Variants in NUS1 observed in about 807,000 individuals in gnomAD.
NUS1 encodes dehydrodolichyl diphosphate synthase complex subunit NUS1.
For missense variants in NUS1, 292 were observed against 382.9 expected (o/e 0.76, Z 1.98); for synonymous variants, 135 against 155.2 (o/e 0.87, Z 0.97).
At chr6:117,691,558 G>GATAGATATATAT (rs1450180747) in intron 1 of NUS1, among the ~76,000 whole-genome samples, 1 of 136,980 alleles carries the variant, frequency 7.3e-6, no homozygotes, top group Non-Finnish European at 1.6e-5. Context: ...CATAGATATA[G>GATAGATATATAT]ATATATATAT....
At chr6:117,687,739 G>A (rs1280492614) in intron 1 of NUS1, among the ~76,000 whole-genome samples, 1 of 152,220 alleles carries the variant, frequency 6.6e-6, no homozygotes, top group Non-Finnish European at 1.5e-5. Context: ...TGTTCAACAA[G>A]CATGGAAGCA....
chr6:117,696,273 A>T (rs1340792602), intron 3 of NUS1, among the ~76,000 whole-genome samples: 1 of 152,144 alleles, frequency 6.6e-6, no homozygotes, highest in Non-Finnish European at 1.5e-5. Flanking sequence ...AAAATCTAGG[A>T]AAAAGCCTCT....
chr6:117,703,791 C>A, intron 4 of NUS1, 87 bp downstream of exon 4: 1 of 907,084 alleles, frequency 1.1e-6, no homozygotes, highest in Non-Finnish European at 1.8e-6. Flanking sequence ...TGGGGATTTC[C>A]AAAGAATTAT....
At chr6:117,681,178 C>A (rs996653388) in intron 1 of NUS1, among the ~76,000 whole-genome samples, 2 of 152,210 alleles carry the variant, frequency 1.3e-5, no homozygotes, top group Non-Finnish European at 2.9e-5. Flanking sequence ...ACTCCGTTCC[C>A]TATCTTACTA....
At position 117,675,591 on chromosome 6, in the gene NUS1, C is replaced by G. The variant is rs1160611657; in HGVS notation, c.-80C>G. ...GGGGACGCGGAGCGATGGCCCGCGC[C>G]GGCCGCAGGGGCGGATAAAAAGCCG... is the stretch of plus-strand genomic sequence containing the variant. On this transcript the variant is annotated 5_prime_UTR_variant, in exon 1 of 5. Transcript: ENST00000368494. 5 of 1,413,264 alleles carry G rather than the reference C, an allele frequency of 3.5e-6. No individual in the cohort carries two copies. In the Admixed American group the frequency reaches 8.3e-5, roughly 23 times the overall value. 87.5% of individuals were successfully genotyped at this position (1,413,264 alleles called of 1,614,324 possible). A position where few individuals can be genotyped will look rare whatever the true frequency, so the allele number is the denominator to read the frequency against.
intron 1 of NUS1, among the ~76,000 whole-genome samples, chr6:117,692,080 G>A (rs572001666): frequency 2.6e-5 from 4 of 152,028 alleles, no homozygotes; most frequent in South Asian, 4.2e-4. Context: ...TGTTCTATGG[G>A]GTGAGGAAAG....
chr6:117,691,564 T>TATAG (rs1204525663), intron 1 of NUS1, among the ~76,000 whole-genome samples: 73 of 30,828 alleles, frequency 2.4e-3, no homozygotes, highest in Admixed American at 8.9e-3. Context: ...TATAGATATA[T>TATAG]ATATATATAT....
chr6:117,691,374 A>G (rs1329445356), intron 1 of NUS1, among the ~76,000 whole-genome samples: 4 of 151,574 alleles, frequency 2.6e-5, no homozygotes, highest in Non-Finnish European at 5.9e-5. Flanking sequence ...TTTCTTAAGC[A>G]TTTTTTCCCA....
intron 1 of NUS1, among the ~76,000 whole-genome samples, chr6:117,679,911 G>A (rs1773035719): frequency 6.6e-6 from 1 of 152,160 alleles, no homozygotes; most frequent in Non-Finnish European, 1.5e-5. Flanking sequence ...AGAAAGGTTG[G>A]GTGAGGATTT....
intron 2 of NUS1, among the ~76,000 whole-genome samples, 162 bp downstream of exon 2, chr6:117,693,329 G>C (rs1773269440): frequency 6.6e-6 from 1 of 152,030 alleles, no homozygotes; most frequent in Non-Finnish European, 1.5e-5. Flanking sequence ...TCTTAATCTT[G>C]GTAAAAAGTG....
Position 117,708,677 on chromosome 6 carries a change from T to G in NUS1, c.*1662T>G, listed in dbSNP as rs571092497. 1 of 152,558 alleles carries G rather than the reference T, an allele frequency of 6.6e-6. No individual in the cohort carries two copies. Among genetic ancestry groups the G allele is most frequent in the South Asian group, 2.1e-4 (1 of 4,824 alleles). 9.5% of individuals were successfully genotyped at this position (152,558 alleles called of 1,614,324 possible). On this transcript the variant is annotated 3_prime_UTR_variant, in exon 5 of 5. Transcript: ENST00000368494. The stretch of plus-strand genomic sequence containing the variant: ...TTGTTTTAATTTATTACTGAGAGTT[T>G]TGTGTGAAGCTACAGCATATCTAAC...
intron 3 of NUS1, among the ~76,000 whole-genome samples, chr6:117,694,978 TG>T (rs1221207874): frequency 6.6e-6 from 1 of 152,072 alleles, no homozygotes; most frequent in Non-Finnish European, 1.5e-5. Flanking sequence ...GTGGATCGCT[TG>T]AGCGCAGGAG....
Position 117,681,060 on chromosome 6 carries a change from TCTC to T in NUS1, c.415+4978_415+4980del, listed in dbSNP as rs1175026911. On this transcript the variant is annotated intron_variant, in intron 1 of 4. Transcript: ENST00000368494. ...GTTCCAGTTTCCTGGAACTCCCTCT[TCTC>T]CTTTTTCTGGCAAATGGCTGTATGC... Among the ~76,000 whole-genome samples the T allele has an allele frequency of 2.6e-5, 4 of 152,168 alleles. No individual in the cohort carries two copies. The East Asian group carries it at 5.8e-4, about 22-fold the overall frequency.
chr6:117,694,205 A>G (rs1193935171), intron 3 of NUS1, 25 bp downstream of exon 3: 2 of 1,288,794 alleles, frequency 1.6e-6, no homozygotes, highest in Admixed American at 2.2e-5. Context: ...ATATATATAC[A>G]TATATATGTA....
intron 1 of NUS1, among the ~76,000 whole-genome samples, chr6:117,684,129 C>G (rs62431057): frequency 0.06 from 9,207 of 152,244 alleles, 348 homozygotes; most frequent in African/African-American, 0.087. Flanking sequence ...CACTTTGTTG[C>G]AACTACTCAA....
intron 3 of NUS1, among the ~76,000 whole-genome samples, chr6:117,698,288 GA>G (rs1327887225): frequency 6.6e-6 from 1 of 151,874 alleles, no homozygotes; most frequent in Non-Finnish European, 1.5e-5. Context: ...TTAGACCAAG[GA>G]AAAAAACCAG....
intron 3 of NUS1, among the ~76,000 whole-genome samples, chr6:117,700,132 A>G (rs980651281): frequency 6.6e-6 from 1 of 152,216 alleles, no homozygotes; most frequent in Non-Finnish European, 1.5e-5. Context: ...CAGAGCAAAA[A>G]TGAACAAATG....
rs1218687291 is a variant in NUS1, at chr6:117,710,102, T to A, written c.*3087T>A. On this transcript the variant is annotated 3_prime_UTR_variant, in exon 5 of 5. Coordinates refer to ENST00000368494, the MANE Select transcript of NUS1 (RefSeq NM_138459.5). ...TTTACCGAATATGAAATTTCCAAAT[T>A]AAAAACGTATATGTGTACTCTTTTA... 6.6e-6 allele frequency: 1 copy of A among 152,170 alleles called. No individual in the cohort carries two copies. 9.4% of individuals were successfully genotyped at this position (152,170 alleles called of 1,614,324 possible). A position where few individuals can be genotyped will look rare whatever the true frequency, so the allele number is the denominator to read the frequency against.
chr6:117,707,209 G>C lies in NUS1; in HGVS notation c.*194G>C, dbSNP rs1331134230. ...CGTGTGCACGTGCACACATGTGCAC[G>C]TTTGTATGTATGGAAATAAACTTAT... is the stretch of plus-strand genomic sequence containing the variant. On this transcript the variant is annotated 3_prime_UTR_variant, in exon 5 of 5. Coordinates refer to ENST00000368494, the MANE Select transcript of NUS1 (RefSeq NM_138459.5). The C allele has an allele frequency of 1.9e-6, 1 of 518,866 alleles. No individual in the cohort carries two copies. Among genetic ancestry groups the C allele is most frequent in the Non-Finnish European group, 3.5e-6 (1 of 284,978 alleles). 32.1% of individuals were successfully genotyped at this position (518,866 alleles called of 1,614,324 possible).
Sources: allele counts gnomAD v4.1 joint callset (sites outside exome capture counted in the v4.1 genomes callset), GRCh38; gene constraint gnomAD v4.1.1; transcripts MANE v1.5; gene names NCBI Gene and HGNC (gene_info 2026-07-23, HGNC 2026-07-21).